Variants in DRC11 observed in about 807,000 individuals in gnomAD.
DRC11 encodes dynein regulatory complex subunit 11.
the DRC11 span, among the ~76,000 whole-genome samples, chr2:236,490,163 C>T: frequency 6.6e-6 from 1 of 152,152 alleles, no homozygotes; most frequent in Non-Finnish European, 1.5e-5. This position sits in a 1 kb window ranked among gnomAD's most constrained non-coding sequence, Gnocchi z 5.5. Context: ...CACATGTATA[C>T]TGAGAACCTG....
chr2:236,389,336 G>T, the DRC11 span, among the ~76,000 whole-genome samples: 1 of 152,108 alleles, frequency 6.6e-6, no homozygotes, highest in Non-Finnish European at 1.5e-5. Flanking sequence ...TAGGACCCTC[G>T]GAGCCAGGTG....
the DRC11 span, chr2:236,331,722 T>C: frequency 1.4e-6 from 1 of 708,890 alleles, no homozygotes; most frequent in African/African-American, 1.8e-5. This position sits in a 1 kb window ranked among gnomAD's most constrained non-coding sequence, Gnocchi z 4.8. Flanking sequence ...TCTAGCTTAT[T>C]TGTAACTCAA....
the DRC11 span, chr2:236,363,658 G>T: frequency 1.3e-6 from 1 of 777,804 alleles, no homozygotes; most frequent in Non-Finnish European, 2.2e-6. This position sits in a 1 kb window ranked among gnomAD's most constrained non-coding sequence, Gnocchi z 5.6. Flanking sequence ...TAATTTGCAG[G>T]AGTAGACAAT....
chr2:236,472,594 C>T, the DRC11 span, among the ~76,000 whole-genome samples: 139 of 152,264 alleles, frequency 9.1e-4, 2 homozygotes, highest in African/African-American at 3.1e-3. This position sits in a 1 kb window ranked among gnomAD's most constrained non-coding sequence, Gnocchi z 4.6. Context: ...AGTCAGATAT[C>T]GTGACAACAT....
At chr2:236,451,040 C>A in the DRC11 span, among the ~76,000 whole-genome samples, 8 of 152,166 alleles carry the variant, frequency 5.3e-5, no homozygotes, top group Admixed American at 1.3e-4. Context: ...TTATTCAAGT[C>A]TTTTCTCATT....
At chr2:236,373,077 C>T in the DRC11 span, among the ~76,000 whole-genome samples, 1 of 151,688 alleles carries the variant, frequency 6.6e-6, no homozygotes, top group Non-Finnish European at 1.5e-5. Flanking sequence ...TGCCTTTTTG[C>T]CTTTTATTTC....
the DRC11 span, chr2:236,331,629 GGGTTACCACAGA>G: frequency 6.6e-7 from 1 of 1,524,346 alleles, no homozygotes; most frequent in Non-Finnish European, 9.0e-7. The surrounding 1 kb of genome is among the most constrained non-coding windows in gnomAD (Gnocchi z 4.8). Context: ...CAGAGAACAA[GGGTTACCACAGA>G]GAAATCAGTG....
At chr2:236,364,295 C>CTTT in the DRC11 span, among the ~76,000 whole-genome samples, 1,208 of 128,608 alleles carry the variant, frequency 9.4e-3, 25 homozygotes, top group African/African-American at 0.029. Flanking sequence ...TTACCTCTGG[C>CTTT]TTTTTTTTTT....
chr2:236,422,441 C>G, the DRC11 span, among the ~76,000 whole-genome samples: 58 of 152,174 alleles, frequency 3.8e-4, no homozygotes, highest in Admixed American at 6.5e-4. Context: ...TGAGTGAACT[C>G]CCATTCACAA....
chr2:236,448,050 A>T, the DRC11 span, among the ~76,000 whole-genome samples: 3 of 152,262 alleles, frequency 2.0e-5, no homozygotes, highest in Non-Finnish European at 2.9e-5. The surrounding 1 kb of genome is among the most constrained non-coding windows in gnomAD (Gnocchi z 5.3). Context: ...GCAAAAAAGC[A>T]GCATATTTAA....
chr2:236,324,918 A>AACC, the DRC11 span: 1 of 617,674 alleles, frequency 1.6e-6, no homozygotes, highest in Non-Finnish European at 2.9e-6. The surrounding 1 kb of genome is among the most constrained non-coding windows in gnomAD (Gnocchi z 5.7). Context: ...GGTATGCTTG[A>AACC]CACAAGCTCT....
At chr2:236,474,402 G>T in the DRC11 span, among the ~76,000 whole-genome samples, 1 of 152,282 alleles carries the variant, frequency 6.6e-6, no homozygotes, top group South Asian at 2.1e-4. Context: ...TGGTATCAGT[G>T]TAAGCTAGTA....
chr2:236,332,155 A>C, the DRC11 span: 1 of 154,774 alleles, frequency 6.5e-6, no homozygotes, highest in Non-Finnish European at 1.4e-5. The surrounding 1 kb of genome is among the most constrained non-coding windows in gnomAD (Gnocchi z 5.1). Flanking sequence ...TTTGACCCTT[A>C]TTCTTTCCCC....
the DRC11 span, among the ~76,000 whole-genome samples, chr2:236,357,942 ATAATAT>A: frequency 1.1e-5 from 1 of 90,334 alleles, no homozygotes; most frequent in Non-Finnish European, 2.2e-5. Flanking sequence ...ATATGAATAT[ATAATAT>A]ATAAATATAT....
chr2:236,347,853 G>A, the DRC11 span, among the ~76,000 whole-genome samples: 24 of 138,696 alleles, frequency 1.7e-4, 1 homozygote, highest in East Asian at 1.7e-3. Flanking sequence ...AATAACTTAC[G>A]GCAAAAAAAA....
At chr2:236,322,916 C>T in the DRC11 span, among the ~76,000 whole-genome samples, 3 of 152,208 alleles carry the variant, frequency 2.0e-5, no homozygotes, top group African/African-American at 7.2e-5. Context: ...ACTGGCAGAT[C>T]ACAGATCTAG....
the DRC11 span, among the ~76,000 whole-genome samples, chr2:236,341,627 A>C: frequency 6.6e-6 from 1 of 152,136 alleles, no homozygotes; most frequent in Admixed American, 6.5e-5. Flanking sequence ...TGATGTTTGG[A>C]GTGGCCCCAG....
the DRC11 span, among the ~76,000 whole-genome samples, chr2:236,487,543 T>C: frequency 6.6e-6 from 1 of 152,196 alleles, no homozygotes; most frequent in African/African-American, 2.4e-5. Context: ...ATGGTGCTTA[T>C]CTGATAAGGA....
the DRC11 span, among the ~76,000 whole-genome samples, chr2:236,432,098 CT>C: frequency 5.3e-5 from 8 of 151,232 alleles, no homozygotes; most frequent in African/African-American, 1.5e-4. Flanking sequence ...TTGTAATTGT[CT>C]TTTTTTTTGT....
Sources: allele counts gnomAD v4.1 joint callset (sites outside exome capture counted in the v4.1 genomes callset), GRCh38; gene constraint gnomAD v4.1.1; non-coding constraint Gnocchi (gnomAD v3.1); transcripts MANE v1.5; gene names NCBI Gene and HGNC (gene_info 2026-07-23, HGNC 2026-07-21).